Variants in LRRC8D observed in about 807,000 individuals in gnomAD.
LRRC8D encodes leucine rich repeat containing 8 VRAC subunit D, also known as volume-regulated anion channel subunit LRRC8D.
A neutral mutation model predicts 55.8 loss-of-function variants in LRRC8D; 20 were observed. The observed-to-expected ratio is 0.36, with a 90% CI of 0.25 to 0.52. The LOEUF is 0.52. Among genes scored for constraint, LRRC8D ranks in the 20% least tolerant of loss-of-function variants. LRRC8D has a pLI of 0.93. For synonymous variants in LRRC8D, 352 were observed against 377.0 expected, an observed-to-expected ratio of 0.93 and a Z score of 0.77; for missense variants, 651 against 1,030.8, an observed-to-expected ratio of 0.63 and a Z score of 5.05.
chr1:89,821,353 AG>A (rs1660625021), intron 1 of LRRC8D, 62 bp downstream of exon 1: 1 of 151,974 alleles, frequency 6.6e-6, no homozygotes, highest in Non-Finnish European at 1.5e-5. Flanking sequence ...GCGCAGGTGG[AG>A]CCGCGCCGAG....
intron 1 of LRRC8D, among the ~76,000 whole-genome samples, chr1:89,838,650 C>T (rs1056314170): frequency 3.3e-5 from 5 of 152,142 alleles, no homozygotes; most frequent in African/African-American, 1.2e-4. Flanking sequence ...GGATCTTACC[C>T]TTCTTTCACA....
At chr1:89,876,773 A>G (rs978676345) in intron 2 of LRRC8D, among the ~76,000 whole-genome samples, 24 of 152,218 alleles carry the variant, frequency 1.6e-4, no homozygotes, top group Non-Finnish European at 3.2e-4. Context: ...AGAGTCGAGT[A>G]GTTGTTACAA....
At chr1:89,885,764 T>G (rs1287151861) in intron 2 of LRRC8D, among the ~76,000 whole-genome samples, 5 of 152,194 alleles carry the variant, frequency 3.3e-5, no homozygotes, top group Non-Finnish European at 7.4e-5. Context: ...AGACCTGGTG[T>G]GCAAAGAGTG....
intron 2 of LRRC8D, 116 bp downstream of exon 2, chr1:89,843,898 C>A: frequency 5.8e-6 from 3 of 517,960 alleles, no homozygotes; most frequent in African/African-American, 1.9e-5. Context: ...TGCCCGCCCC[C>A]CACCACTGGC....
At chr1:89,876,898 C>T (rs1373372927) in intron 2 of LRRC8D, among the ~76,000 whole-genome samples, 1 of 152,342 alleles carries the variant, frequency 6.6e-6, no homozygotes, top group South Asian at 2.1e-4. Flanking sequence ...TATCTGCTCT[C>T]CAATTTGGTA....
intron 2 of LRRC8D, among the ~76,000 whole-genome samples, chr1:89,929,541 T>C (rs151302776): frequency 4.1e-4 from 63 of 152,346 alleles, no homozygotes; most frequent in African/African-American, 1.3e-3. Context: ...CTCAGTACAC[T>C]GACTTTCAAA....
At chr1:89,859,923 A>G (rs766801124) in intron 2 of LRRC8D, among the ~76,000 whole-genome samples, 4 of 152,214 alleles carry the variant, frequency 2.6e-5, no homozygotes, top group Non-Finnish European at 4.4e-5. Context: ...TTTGAAGTAA[A>G]TTTCTCTGCC....
rs2816864 is a variant in LRRC8D, at chr1:89,894,991, G to T, written c.-2-38076G>T. Reference sequence around the variant, plus strand: ...GACCCAAGTGTGTCTGTAGGTGAAGGTCTCCCACCCCCACCCCACCCACTG... The same window carrying T: ...GACCCAAGTGTGTCTGTAGGTGAAGTTCTCCCACCCCCACCCCACCCACTG... On this transcript the variant is annotated intron_variant, in intron 2 of 2. Transcript: ENST00000337338. 7.4e-3 allele frequency among the ~76,000 whole-genome samples: 1,119 copies of T among 152,110 alleles called. 7 individuals are homozygous for T. Among genetic ancestry groups the T allele is most frequent in the African/African-American group, 0.026 (1,077 of 41,474 alleles).
chr1:89,843,932 ACT>A, intron 2 of LRRC8D, 150 bp downstream of exon 2: 3 of 488,210 alleles, frequency 6.1e-6, no homozygotes, highest in East Asian at 7.1e-5. Context: ...TCTCTGCCAA[ACT>A]CTGGCTGCTG....
In LRRC8D at chr1:89,821,204, C is replaced by G. The variant is rs1192378378; in HGVS notation, c.-235C>G. 6.6e-6 allele frequency: 1 copy of G among 152,312 alleles called. No homozygotes were observed. Among genetic ancestry groups the G allele is most frequent in the Non-Finnish European group, 1.5e-5 (1 of 68,382 alleles). The allele number at this position is 152,312 out of a possible 1,614,324, so 9.4% of individuals were successfully genotyped here. On this transcript the variant is annotated 5_prime_UTR_variant, in exon 1 of 3. Coordinates refer to ENST00000337338, the MANE Select transcript of LRRC8D (RefSeq NM_001134479.2). ...GCGCGCCTTCGCCGCCCCGGCGCGT[C>G]CCGGTGCAGCCGCCGCCCGCCGCGG...
intron 2 of LRRC8D, among the ~76,000 whole-genome samples, chr1:89,861,993 A>G (rs1339402471): frequency 2.0e-5 from 3 of 152,206 alleles, no homozygotes; most frequent in East Asian, 1.9e-4. Flanking sequence ...GCAACATAAA[A>G]CAGTTATTGA....
chr1:89,838,984 G>T (rs1661068957), intron 1 of LRRC8D, among the ~76,000 whole-genome samples: 1 of 152,154 alleles, frequency 6.6e-6, no homozygotes, highest in South Asian at 2.1e-4. Flanking sequence ...TTGAGAGAGA[G>T]CATTACAAGT....
intron 2 of LRRC8D, among the ~76,000 whole-genome samples, chr1:89,870,337 G>A (rs58563627): frequency 5.0e-4 from 75 of 150,988 alleles, no homozygotes; most frequent in African/African-American, 1.7e-3. Context: ...TTAGCTAGAC[G>A]TGGTGGCACG....
At chr1:89,829,502 T>C (rs1013490683) in intron 1 of LRRC8D, among the ~76,000 whole-genome samples, 2 of 152,236 alleles carry the variant, frequency 1.3e-5, no homozygotes, top group African/African-American at 4.8e-5. Flanking sequence ...CTTTTTAATA[T>C]TTTATAATAT....
At chr1:89,893,495 C>T (rs553743456) in intron 2 of LRRC8D, among the ~76,000 whole-genome samples, 1 of 152,262 alleles carries the variant, frequency 6.6e-6, no homozygotes, top group South Asian at 2.1e-4. Context: ...GCATATTTCC[C>T]CAGGAACAAA....
At chr1:89,899,888 G>C (rs1448553842) in intron 2 of LRRC8D, among the ~76,000 whole-genome samples, 1 of 152,212 alleles carries the variant, frequency 6.6e-6, no homozygotes, top group Non-Finnish European at 1.5e-5. Context: ...TAAGGATTCA[G>C]CTAAAGAATA....
intron 2 of LRRC8D, among the ~76,000 whole-genome samples, chr1:89,919,153 A>G (rs186635524): frequency 2.2e-4 from 33 of 152,338 alleles, no homozygotes; most frequent in African/African-American, 4.6e-4. Context: ...TAAACTACCA[A>G]GTAATCCTTT....
intron 2 of LRRC8D, among the ~76,000 whole-genome samples, chr1:89,907,825 C>A (rs564975658): frequency 6.6e-6 from 1 of 152,242 alleles, no homozygotes; most frequent in South Asian, 2.1e-4. Context: ...CTTGCGCCAA[C>A]TGATTTCTTC....
intron 1 of LRRC8D, among the ~76,000 whole-genome samples, chr1:89,832,193 C>T (rs577167174): frequency 1.3e-4 from 20 of 152,290 alleles, no homozygotes; most frequent in Non-Finnish European, 2.4e-4. Context: ...AATCTAACAT[C>T]GTTTGTGTAA....
Sources: gnomAD v4.1 joint callset for allele counts (sites outside exome capture counted in the v4.1 genomes callset) on GRCh38, gnomAD v4.1.1 for gene constraint, MANE v1.5 for transcripts, NCBI Gene and HGNC (gene_info 2026-07-23, HGNC 2026-07-21) for gene names.